Variants in TAFA5 observed in about 807,000 individuals in gnomAD.
The protein encoded by TAFA5 is TAFA chemokine like family member 5, also known as chemokine-like protein TAFA-5.
TAFA5 carries 6 observed loss-of-function variants against 15.3 expected under a neutral mutation model. The observed-to-expected ratio is 0.39, with a 90% CI of 0.21 to 0.77. The LOEUF is 0.77. TAFA5 is among the 30% of genes least tolerant of loss of function. TAFA5 has a pLI of 0.41. For missense variants in TAFA5, 161 were observed against 193.1 expected, an observed-to-expected ratio of 0.83 and a Z score of 0.98; for synonymous variants, 103 against 80.7, an observed-to-expected ratio of 1.28 and a Z score of -1.48.
In TAFA5 at chr22:48,489,730, G is replaced by A. The variant is rs375296404; in HGVS notation, c.112+26G>A. The A allele has an allele frequency of 7.3e-7, 1 of 1,374,042 alleles. No individual in the cohort carries two copies. Among genetic ancestry groups the A allele is most frequent in the Non-Finnish European group, 9.6e-7 (1 of 1,042,000 alleles). 85.1% of individuals were successfully genotyped at this position (1,374,042 alleles called of 1,614,324 possible). A position where few individuals can be genotyped will look rare whatever the true frequency, so the allele number is the denominator to read the frequency against. On this transcript the variant is annotated intron_variant, in intron 1 of 3. Transcript: ENST00000402357. This position sits in a 1 kb window ranked among gnomAD's most constrained non-coding sequence, Gnocchi z 5.5. ...GTGAGTACCGCGCGGCCCCGGCCCC[G>A]GCACGGCCCTCTGGGCCCCGGACCC...
At position 48,557,043 on chromosome 22, in the gene TAFA5, T is replaced by C. The variant is rs775774699; in HGVS notation, c.112+67339T>C. 6.6e-5 allele frequency among the ~76,000 whole-genome samples: 10 copies of C among 152,246 alleles called. No individual in the cohort carries two copies. In the South Asian group the frequency reaches 1.0e-3, roughly 16 times the overall value. ...GCGTGGTCACCAGGGGCACCCACCG[T>C]TGGGAGGCCCGCAGGGAGCGGGGAG... On this transcript the variant is annotated intron_variant, in intron 1 of 3. Transcript: ENST00000402357.
chr22:48,511,226 G>A (rs1160715095), intron 1 of TAFA5, among the ~76,000 whole-genome samples: 2 of 152,132 alleles, frequency 1.3e-5, no homozygotes, highest in Non-Finnish European at 2.9e-5. Flanking sequence ...GAGAAGCCCA[G>A]GCCCTGGTCA....
intron 1 of TAFA5, among the ~76,000 whole-genome samples, chr22:48,605,882 G>A (rs77654334): frequency 0.13 from 19,444 of 152,170 alleles, 1,346 homozygotes; most frequent in African/African-American, 0.17. Context: ...CGTCCATGAG[G>A]GCAGGTTCCG....
rs1372089980 is a variant in TAFA5, at chr22:48,736,410, CATCCCCCCAGGAGGAATGAGAATCGCA to C, written c.391-13428_391-13402del. Among the ~76,000 whole-genome samples, 129 of 32,858 alleles carry C rather than the reference CATCCCCCCAGGAGGAATGAGAATCGCA, an allele frequency of 3.9e-3. 1 individual carries two copies. The highest frequency in any genetic ancestry group is 0.013 in the Middle Eastern group (1 of 78). 21.6% of individuals were successfully genotyped at this position (32,858 alleles called of 152,430 possible). A position where few individuals can be genotyped will look rare whatever the true frequency, so the allele number is the denominator to read the frequency against. On this transcript the variant is annotated intron_variant, in intron 3 of 3. Coordinates refer to ENST00000402357, the MANE Select transcript of TAFA5 (RefSeq NM_001082967.3). ...GAGTGAGAATCGCACTCCTAGAGTC[CATCCCCCCAGGAGGAATGAGAATCGCA>C]CTCCTAGGGTCCATCCCCCCAGGAG...
At chr22:48,737,350 C>A (rs1290562069) in intron 3 of TAFA5, among the ~76,000 whole-genome samples, 7 of 152,204 alleles carry the variant, frequency 4.6e-5, no homozygotes, top group Non-Finnish European at 1.0e-4. Flanking sequence ...GCCTTAGGGA[C>A]CCCGAGCTGC....
chr22:48,591,859 C>T (rs1161654811), intron 1 of TAFA5, among the ~76,000 whole-genome samples: 9 of 152,226 alleles, frequency 5.9e-5, no homozygotes, highest in Admixed American at 5.9e-4. Context: ...CCCACGGAGT[C>T]TCCCTCTCAG....
chr22:48,531,416 G>A (rs1601558999), intron 1 of TAFA5, among the ~76,000 whole-genome samples: 1 of 152,170 alleles, frequency 6.6e-6, no homozygotes. Context: ...TGAGTCTTGC[G>A]GCCTCTGCAG....
At chr22:48,710,556 G>A (rs1019163989) in intron 3 of TAFA5, among the ~76,000 whole-genome samples, 8 of 152,160 alleles carry the variant, frequency 5.3e-5, no homozygotes, top group East Asian at 3.9e-4. Context: ...AGCCTGCCGC[G>A]TCCGTCCAGG....
intron 3 of TAFA5, among the ~76,000 whole-genome samples, chr22:48,745,983 G>C (rs542044418): frequency 6.6e-6 from 1 of 152,188 alleles, no homozygotes; most frequent in African/African-American, 2.4e-5. Flanking sequence ...CACTGTCCCG[G>C]GGAGAGAGGT....
chr22:48,677,375 G>A (rs1814453821), intron 2 of TAFA5, among the ~76,000 whole-genome samples: 1 of 152,250 alleles, frequency 6.6e-6, no homozygotes, highest in South Asian at 2.1e-4. Context: ...GGGGATGCCG[G>A]GGTCGGTGGA....
At chr22:48,666,868 G>A (rs1396596731) in intron 2 of TAFA5, among the ~76,000 whole-genome samples, 1 of 152,172 alleles carries the variant, frequency 6.6e-6, no homozygotes, top group Non-Finnish European at 1.5e-5. Flanking sequence ...GAGGTAGAGG[G>A]TGGCCGACTG....
intron 2 of TAFA5, among the ~76,000 whole-genome samples, chr22:48,648,984 T>C (rs2147204285): frequency 6.6e-6 from 1 of 152,206 alleles, no homozygotes; most frequent in East Asian, 1.9e-4. Context: ...ATCACTGAGC[T>C]CCCTCTGGGT....
At chr22:48,715,318 C>A (rs984460136) in intron 3 of TAFA5, among the ~76,000 whole-genome samples, 5 of 152,200 alleles carry the variant, frequency 3.3e-5, no homozygotes, top group African/African-American at 1.2e-4. Context: ...CAGAAGAAGC[C>A]AAAGGAAGAG....
At chr22:48,513,716 C>T (rs774166372) in intron 1 of TAFA5, among the ~76,000 whole-genome samples, 2 of 152,226 alleles carry the variant, frequency 1.3e-5, no homozygotes, top group African/African-American at 2.4e-5. Context: ...GAGGAGGTGC[C>T]GTGCCTTGCT....
intron 1 of TAFA5, among the ~76,000 whole-genome samples, chr22:48,621,007 C>A (rs1164487226): frequency 2.2e-5 from 3 of 135,674 alleles, no homozygotes; most frequent in African/African-American, 8.9e-5. Flanking sequence ...CACTATCTAT[C>A]CACCCATCCA....
At chr22:48,707,566 C>T in intron 2 of TAFA5, 151 bp from the exon 3 acceptor site, 1 of 841,066 alleles carries the variant, frequency 1.2e-6, no homozygotes, top group Non-Finnish European at 1.8e-6. Flanking sequence ...GCCCCTGGGC[C>T]CAGTGTCCCT....
chr22:48,751,816 G>C lies in TAFA5; in HGVS notation c.*1969G>C, dbSNP rs533920463. 1.3e-5 allele frequency: 2 copies of C among 152,658 alleles called. No homozygotes were observed. Among genetic ancestry groups the C allele is most frequent in the South Asian group, 4.1e-4 (2 of 4,826 alleles). The allele number at this position is 152,658 out of a possible 1,614,324, so 9.5% of individuals were successfully genotyped here. On this transcript the variant is annotated 3_prime_UTR_variant, in exon 4 of 4. Transcript: ENST00000402357. Reference sequence around the variant, plus strand: ...TGAAAGCAAGTGTAGACACCTTCGAGGGCAGAGATCGGGAGATTTAAGATG... The same window carrying C: ...TGAAAGCAAGTGTAGACACCTTCGACGGCAGAGATCGGGAGATTTAAGATG...
chr22:48,723,623 C>T (rs879410260), intron 3 of TAFA5, among the ~76,000 whole-genome samples: 5 of 152,224 alleles, frequency 3.3e-5, no homozygotes, highest in Non-Finnish European at 5.9e-5. Context: ...CATCCTCCCC[C>T]TGCCTGGAAG....
chr22:48,509,723 G>C (rs547614986), intron 1 of TAFA5, among the ~76,000 whole-genome samples: 1 of 151,996 alleles, frequency 6.6e-6, no homozygotes, highest in Admixed American at 6.5e-5. Context: ...AGGCTGAGGC[G>C]GGCGGATCAC....
Sources: allele counts gnomAD v4.1 joint callset (sites outside exome capture counted in the v4.1 genomes callset), GRCh38; gene constraint gnomAD v4.1.1; non-coding constraint Gnocchi (gnomAD v3.1); transcripts MANE v1.5; gene names NCBI Gene and HGNC (gene_info 2026-07-23, HGNC 2026-07-21).